SYT16: variants seen among roughly 807,000 people sequenced by gnomAD.
SYT16 encodes the protein synaptotagmin 16.
In SYT16, 42 loss-of-function variants were observed where a neutral mutation model predicts 61.4. The ratio of observed to expected loss-of-function variants is 0.68; its 90% CI spans 0.53 to 0.89. The LOEUF (loss-of-function observed/expected upper bound fraction) is 0.89. SYT16 is among the 40% of genes least tolerant of loss of function. SYT16 has a pLI of 0.00. For missense variants in SYT16, 804 were observed against 807.3 expected (o/e 1.00, Z 0.05); for synonymous variants, 314 against 302.3 (o/e 1.04, Z -0.40).
Position 62,062,299 on chromosome 14 carries a change from G to A in SYT16, c.524-7304G>A, listed in dbSNP as rs551215799. Reference sequence around the variant, plus strand: ...CCTCAGCCTTAGTTTCTCTATTTGAGGGGGGGATGAGGGAGAATGAAGGAG... The same window carrying A: ...CCTCAGCCTTAGTTTCTCTATTTGAAGGGGGGATGAGGGAGAATGAAGGAG... On this transcript the variant is annotated intron_variant, in intron 3 of 7. Transcript: ENST00000683842. 2.1e-4 allele frequency among the ~76,000 whole-genome samples: 28 copies of A among 133,714 alleles called. 1 individual carries two copies. Among genetic ancestry groups the A allele is most frequent in the African/African-American group, 7.2e-4 (26 of 36,126 alleles). The allele number at this position is 133,714 out of a possible 152,430, so 87.7% of individuals were successfully genotyped here.
At chr14:61,959,769 C>G (rs1003764892) in intron 1 of SYT16, among the ~76,000 whole-genome samples, 11 of 151,942 alleles carry the variant, frequency 7.2e-5, no homozygotes, top group African/African-American at 2.7e-4. Flanking sequence ...TTCATTTCCA[C>G]TTGAAGAATT....
At chr14:61,899,430 C>T (rs1405517823) in intron 1 of SYT16, among the ~76,000 whole-genome samples, 1 of 152,184 alleles carries the variant, frequency 6.6e-6, no homozygotes, top group Non-Finnish European at 1.5e-5. Flanking sequence ...GCATGGGATA[C>T]ATAATGAATA....
At chr14:61,948,729 T>G (rs996706949) in intron 1 of SYT16, among the ~76,000 whole-genome samples, 2 of 152,162 alleles carry the variant, frequency 1.3e-5, no homozygotes, top group African/African-American at 4.8e-5. Context: ...AAGGAATCCT[T>G]GTTAAAGTGG....
chr14:62,054,122 G>A (rs1335604016), intron 3 of SYT16, among the ~76,000 whole-genome samples: 1 of 152,176 alleles, frequency 6.6e-6, no homozygotes, highest in Non-Finnish European at 1.5e-5. Flanking sequence ...CAGCATGTGT[G>A]TGATAGCAGG....
At chr14:61,861,552 G>A (rs1296772191) in intron 1 of SYT16, among the ~76,000 whole-genome samples, 1 of 152,078 alleles carries the variant, frequency 6.6e-6, no homozygotes, top group East Asian at 1.9e-4. Flanking sequence ...CCACAGGCAC[G>A]TGCCACCATG....
chr14:61,916,254 A>G (rs1256239852), intron 1 of SYT16, among the ~76,000 whole-genome samples: 1 of 152,122 alleles, frequency 6.6e-6, no homozygotes, highest in Non-Finnish European at 1.5e-5. Flanking sequence ...GGAAATATCC[A>G]TTACTTTTTT....
At chr14:62,015,177 A>AT (rs757401635) in intron 3 of SYT16, among the ~76,000 whole-genome samples, 14 of 152,048 alleles carry the variant, frequency 9.2e-5, no homozygotes, top group Non-Finnish European at 1.9e-4. Flanking sequence ...TTGTATCTAA[A>AT]TTTTTTTATG....
intron 1 of SYT16, among the ~76,000 whole-genome samples, chr14:61,834,092 C>T (rs1035373513): frequency 1.3e-5 from 2 of 151,480 alleles, no homozygotes; most frequent in Non-Finnish European, 2.9e-5. Flanking sequence ...AAGGATGCAT[C>T]CATATCAGCT....
At chr14:61,830,292 A>G (rs2045899226) in intron 1 of SYT16, among the ~76,000 whole-genome samples, 1 of 152,208 alleles carries the variant, frequency 6.6e-6, no homozygotes, top group Admixed American at 6.5e-5. Context: ...TTGATGAATA[A>G]CTTTGGATTG....
At chr14:61,833,779 T>G (rs1221497062) in intron 1 of SYT16, among the ~76,000 whole-genome samples, 1 of 149,808 alleles carries the variant, frequency 6.7e-6, no homozygotes, top group African/African-American at 2.4e-5. Flanking sequence ...TTCCTCGCTC[T>G]TTCTTTGCGC....
chr14:61,902,942 C>G (rs923189631), intron 1 of SYT16, among the ~76,000 whole-genome samples: 2 of 152,208 alleles, frequency 1.3e-5, no homozygotes, highest in Admixed American at 6.5e-5. Context: ...CCTCCCACAA[C>G]ACGTGGGAAT....
At chr14:62,063,906 G>A (rs1222672985) in intron 3 of SYT16, among the ~76,000 whole-genome samples, 1 of 152,144 alleles carries the variant, frequency 6.6e-6, no homozygotes, top group East Asian at 1.9e-4. Flanking sequence ...GAAAGATTGC[G>A]GGAGAGTCAG....
chr14:61,891,775 T>G (rs1212692402), intron 1 of SYT16, among the ~76,000 whole-genome samples: 3 of 152,166 alleles, frequency 2.0e-5, no homozygotes, highest in Admixed American at 6.5e-5. Flanking sequence ...TCTAAAAGGA[T>G]AAGGTAGTAG....
At chr14:61,849,521 T>G (rs966964822) in intron 1 of SYT16, among the ~76,000 whole-genome samples, 1 of 152,206 alleles carries the variant, frequency 6.6e-6, no homozygotes, top group African/African-American at 2.4e-5. Context: ...GATTTCCCTC[T>G]GATTAGGGCT....
At chr14:61,833,895 C>T (rs924518927) in intron 1 of SYT16, among the ~76,000 whole-genome samples, 1 of 148,604 alleles carries the variant, frequency 6.7e-6, no homozygotes, top group Non-Finnish European at 1.5e-5. Flanking sequence ...CAATCCTGTT[C>T]TTTTTCCCTG....
chr14:62,059,701 T>TAC (rs887506006), intron 3 of SYT16, among the ~76,000 whole-genome samples: 6 of 123,912 alleles, frequency 4.8e-5, no homozygotes, highest in Non-Finnish European at 9.3e-5. Flanking sequence ...TGTATATATA[T>TAC]ACATATAATT....
At chr14:61,817,026 C>A (rs879723293) in intron 1 of SYT16, among the ~76,000 whole-genome samples, 16,673 of 84,140 alleles carry the variant, frequency 0.2, 1,357 homozygotes, top group African/African-American at 0.36. Context: ...CACACACACA[C>A]ACAAAAAAAG....
At chr14:61,979,837 G>C (rs1045557815) in intron 2 of SYT16, among the ~76,000 whole-genome samples, 1 of 152,078 alleles carries the variant, frequency 6.6e-6, no homozygotes, top group African/African-American at 2.4e-5. Context: ...AGTCGAGATT[G>C]TGCCACTGCA....
intron 1 of SYT16, among the ~76,000 whole-genome samples, chr14:61,825,673 ACT>A (rs1026664643): frequency 7.9e-5 from 12 of 152,154 alleles, no homozygotes; most frequent in African/African-American, 2.7e-4. Flanking sequence ...ACAGAGCAAG[ACT>A]CTATCTTAAC....
Sources: gnomAD v4.1 joint callset for allele counts (sites outside exome capture counted in the v4.1 genomes callset) on GRCh38, gnomAD v4.1.1 for gene constraint, MANE v1.5 for transcripts, NCBI Gene and HGNC (gene_info 2026-07-23, HGNC 2026-07-21) for gene names.